Variants in TJP1 observed in about 807,000 individuals in gnomAD.
TJP1 encodes the protein tight junction protein 1.
Under a neutral mutation model 194.2 loss-of-function variants are expected in TJP1, and 43 were observed. That is an observed-to-expected ratio of 0.22 (90% confidence interval 0.17 to 0.29). The LOEUF (loss-of-function observed/expected upper bound fraction) is 0.29, where lower values mean the gene tolerates loss of function less well. Ranked by LOEUF, TJP1 falls within the 10% of genes least tolerant of loss-of-function variation. TJP1 has a pLI of 1.00. For synonymous variants in TJP1, 801 were observed against 779.0 expected (o/e 1.03, Z -0.47); for missense variants, 1,971 against 2,185.7 (o/e 0.90, Z 1.96).
At chr15:29,926,439 G>A (rs1017893842) in intron 2 of TJP1, among the ~76,000 whole-genome samples, 1 of 151,904 alleles carries the variant, frequency 6.6e-6, no homozygotes, top group African/African-American at 2.4e-5. Flanking sequence ...TGGTGAAACC[G>A]TCTCTACAAA....
intron 8 of TJP1, among the ~76,000 whole-genome samples, chr15:29,744,496 TAA>T (rs1172285901): frequency 1.3e-5 from 2 of 152,118 alleles, no homozygotes; most frequent in Non-Finnish European, 2.9e-5. Context: ...ACAGAAATCA[TAA>T]AGTGTACCAA....
intron 12 of TJP1, 52 bp from the exon 13 acceptor site, chr15:29,733,365 TGAAA>T (rs776179933): frequency 2.5e-6 from 3 of 1,223,742 alleles, no homozygotes; most frequent in Non-Finnish European, 3.5e-6. Flanking sequence ...GATAACAATC[TGAAA>T]GACAGTACAT....
chr15:29,940,396 G>C (rs1435993116), intron 2 of TJP1, among the ~76,000 whole-genome samples: 1 of 152,144 alleles, frequency 6.6e-6, no homozygotes, highest in African/African-American at 2.4e-5. Context: ...ACCCAAAAAA[G>C]AACATGTGTA....
At chr15:29,737,104 A>G (rs768843615) in intron 11 of TJP1, among the ~76,000 whole-genome samples, 160 bp downstream of exon 11, 1 of 152,360 alleles carries the variant, frequency 6.6e-6, no homozygotes, top group Non-Finnish European at 1.5e-5. Context: ...GAAGTCCAGC[A>G]TAAGGTAGAC....
intron 8 of TJP1, among the ~76,000 whole-genome samples, chr15:29,753,586 A>T (rs1299190534): frequency 6.6e-6 from 1 of 151,850 alleles, no homozygotes. Flanking sequence ...AGGACGAATG[A>T]GCAGGATAAC....
chr15:29,751,971 C>A (rs8038737), intron 8 of TJP1, among the ~76,000 whole-genome samples: 4,936 of 152,160 alleles, frequency 0.032, 274 homozygotes, highest in African/African-American at 0.11. Context: ...ATTGCCCAGG[C>A]TACAGTTCAG....
intron 11 of TJP1, among the ~76,000 whole-genome samples, chr15:29,735,845 C>T (rs2043997060): frequency 6.6e-6 from 1 of 151,968 alleles, no homozygotes; most frequent in Non-Finnish European, 1.5e-5. Context: ...TTTTGACATG[C>T]TAAGTTTGAA....
At chr15:29,834,842 T>C (rs1056997939) in intron 2 of TJP1, among the ~76,000 whole-genome samples, 2 of 152,176 alleles carry the variant, frequency 1.3e-5, no homozygotes, top group African/African-American at 4.8e-5. Context: ...TCCTGTTTTG[T>C]CCTGTTTTGT....
chr15:29,914,338 C>A (rs1226609824), intron 2 of TJP1, among the ~76,000 whole-genome samples: 1 of 152,050 alleles, frequency 6.6e-6, no homozygotes, highest in Admixed American at 6.5e-5. Flanking sequence ...ATAGAGCTCC[C>A]CTAATTGCTC....
At chr15:29,748,953 T>TGTGTGTGA (rs768387529) in intron 8 of TJP1, among the ~76,000 whole-genome samples, 1 of 32,258 alleles carries the variant, frequency 3.1e-5, no homozygotes, top group Non-Finnish European at 9.9e-5. Context: ...TGTGTGTGTG[T>TGTGTGTGA]GCGCGTGTGT....
At chr15:29,735,143 C>T (rs2043941884) in intron 11 of TJP1, among the ~76,000 whole-genome samples, 1 of 151,828 alleles carries the variant, frequency 6.6e-6, no homozygotes. Flanking sequence ...TAAAATGTCA[C>T]CAGTGACTGT....
intron 1 of TJP1, among the ~76,000 whole-genome samples, chr15:29,962,578 T>A (rs2056198590): frequency 6.6e-6 from 1 of 152,160 alleles, no homozygotes; most frequent in Non-Finnish European, 1.5e-5. Flanking sequence ...AGCAAAGCTG[T>A]CCCCTTCCTC....
chr15:29,737,197 T>C, intron 11 of TJP1, 67 bp downstream of exon 11: 1 of 1,563,568 alleles, frequency 6.4e-7, no homozygotes, highest in Admixed American at 1.7e-5. Flanking sequence ...AGTAAGCTTG[T>C]TGTTTGATAC....
At chr15:29,949,349 A>ACCT (rs2055449387) in intron 2 of TJP1, among the ~76,000 whole-genome samples, 1 of 128,162 alleles carries the variant, frequency 7.8e-6, no homozygotes, top group Non-Finnish European at 1.7e-5. Flanking sequence ...CTCCACCACC[A>ACCT]CCACCTCCAC....
At chr15:29,867,049 G>A (rs1052506067) in intron 2 of TJP1, among the ~76,000 whole-genome samples, 1 of 152,202 alleles carries the variant, frequency 6.6e-6, no homozygotes, top group Non-Finnish European at 1.5e-5. Flanking sequence ...TGTTCTCTGT[G>A]TTCTCCTGCA....
intron 8 of TJP1, among the ~76,000 whole-genome samples, chr15:29,758,442 C>T (rs2045789212): frequency 6.6e-6 from 1 of 151,902 alleles, no homozygotes; most frequent in African/African-American, 2.4e-5. Context: ...GGGGGAAAAA[C>T]CCTCCACTTT....
intron 2 of TJP1, among the ~76,000 whole-genome samples, chr15:29,874,911 T>G (rs965188562): frequency 1.3e-5 from 2 of 152,174 alleles, no homozygotes; most frequent in African/African-American, 4.8e-5. Flanking sequence ...GAGCTAATAA[T>G]TACAAGAAGC....
At chr15:29,949,870 C>T (rs200424433) in intron 2 of TJP1, among the ~76,000 whole-genome samples, 1,143 of 69,462 alleles carry the variant, frequency 0.016, 1 homozygote, top group Non-Finnish European at 0.021. Context: ...CCACCACCTC[C>T]ACCTCCACAA....
chr15:29,847,528 G>A (rs559715408), intron 2 of TJP1, among the ~76,000 whole-genome samples: 66 of 152,294 alleles, frequency 4.3e-4, no homozygotes, highest in Non-Finnish European at 1.3e-4. Flanking sequence ...GCTCACGCCT[G>A]TAATCCCAGC....
Sources: allele counts gnomAD v4.1 joint callset (sites outside exome capture counted in the v4.1 genomes callset), GRCh38; gene constraint gnomAD v4.1.1; transcripts MANE v1.5; gene names NCBI Gene and HGNC (gene_info 2026-07-23, HGNC 2026-07-21).